ZFHX3: variants seen among roughly 807,000 people sequenced by gnomAD.
ZFHX3 encodes the protein zinc finger homeobox 3.
In ZFHX3, 42 loss-of-function variants were observed where a neutral mutation model predicts 279.1. The observed-to-expected ratio is 0.15, with a 90% CI of 0.12 to 0.19. The LOEUF is 0.19. Ranked by LOEUF, ZFHX3 falls within the 10% of genes least tolerant of loss-of-function variation. ZFHX3 has a pLI of 1.00. For synonymous variants in ZFHX3, 2,293 were observed against 1,957.8 expected, an observed-to-expected ratio of 1.17 and a Z score of -4.52; for missense variants, 4,981 against 4,754.0, an observed-to-expected ratio of 1.05 and a Z score of -1.40.
intron 3 of ZFHX3, among the ~76,000 whole-genome samples, chr16:73,390,767 T>C (rs188482508): frequency 2.4e-3 from 364 of 152,080 alleles, no homozygotes; most frequent in Non-Finnish European, 4.4e-3. Context: ...AGGAGATCTT[T>C]CTTATTATTT....
chr16:73,642,479 A>G (rs2052582683), intron 2 of ZFHX3, among the ~76,000 whole-genome samples: 1 of 152,246 alleles, frequency 6.6e-6, no homozygotes. Context: ...ATCAATGGAT[A>G]CATTCCTCAA....
chr16:73,778,073 A>C (rs1227893278), intron 1 of ZFHX3, among the ~76,000 whole-genome samples: 1 of 150,326 alleles, frequency 6.7e-6, no homozygotes, highest in Non-Finnish European at 1.5e-5. Flanking sequence ...AAATAATATC[A>C]AACAAAATAA....
intron 2 of ZFHX3, among the ~76,000 whole-genome samples, chr16:73,647,565 G>T (rs573352356): frequency 4.5e-4 from 69 of 152,246 alleles, no homozygotes; most frequent in African/African-American, 1.7e-3. Context: ...TTCCTGTTAA[G>T]CCTGTGGAAC....
At chr16:73,457,585 C>T (rs1046162834) in intron 2 of ZFHX3, among the ~76,000 whole-genome samples, 1 of 152,092 alleles carries the variant, frequency 6.6e-6, no homozygotes, top group African/African-American at 2.4e-5. Context: ...CCAGCCTGAC[C>T]AACATGGTGA....
chr16:73,569,794 T>C (rs1018416198), intron 2 of ZFHX3, among the ~76,000 whole-genome samples: 3 of 152,184 alleles, frequency 2.0e-5, no homozygotes, highest in Admixed American at 6.5e-5. Flanking sequence ...AGCACACAGA[T>C]GCCAGGATGG....
At chr16:73,796,973 G>A (rs768721058) in intron 1 of ZFHX3, among the ~76,000 whole-genome samples, 12 of 152,182 alleles carry the variant, frequency 7.9e-5, no homozygotes, top group Non-Finnish European at 1.0e-4. Flanking sequence ...AGGCCAAGGC[G>A]GGTGGATCAC....
chr16:73,081,340 A>G (rs939410398), intron 8 of ZFHX3: 3 of 151,366 alleles, frequency 2.0e-5, no homozygotes, highest in African/African-American at 4.9e-5. Context: ...GCTCACCACA[A>G]TCTTCGCCTC....
At position 72,798,610 on chromosome 16, in the gene ZFHX3, A is replaced by C. The variant is rs749586178; in HGVS notation, c.4072T>G (p.Ser1358Ala). Residue 1358 changes from serine (S) to alanine (A), a missense_variant, in exon 9 of 10, where the codon TCA becomes GCA. By Grantham distance (99) the Ser-to-Ala change is moderately conservative (BLOSUM62 1). Around this residue, in one of 7 missense-constraint regions of ZFHX3, gnomAD observed 1,751 missense variants for 1,770.0 expected, o/e 0.99. Coordinates refer to ENST00000268489, the MANE Select transcript of ZFHX3 (RefSeq NM_006885.4). Reference protein sequence around the residue: ...PADPGSVREDSGFICWKKGCN... With the variant: ...PADPGSVREDAGFICWKKGCN... ...CCCTTCTTCCAGCAGATGAAGCCTGAGTCTTCTCTCACAGAGCCTGGGTCA... is the reference window on the plus strand; with the variant it reads ...CCCTTCTTCCAGCAGATGAAGCCTGCGTCTTCTCTCACAGAGCCTGGGTCA... The C allele has an allele frequency of 5.0e-6, 8 of 1,613,896 alleles. No homozygotes were observed. In the Admixed American group the frequency reaches 1.2e-4, roughly 24 times the overall value.
At chr16:73,334,779 G>A (rs1171085087) in intron 3 of ZFHX3, among the ~76,000 whole-genome samples, 1 of 140,336 alleles carries the variant, frequency 7.1e-6, no homozygotes, top group East Asian at 2.2e-4. Flanking sequence ...ATTGGATAAG[G>A]AGATCTCTTT....
intron 1 of ZFHX3, among the ~76,000 whole-genome samples, chr16:73,847,007 A>G (rs1961466471): frequency 6.6e-6 from 1 of 152,290 alleles, no homozygotes; most frequent in Middle Eastern, 3.4e-3. Context: ...CAGGGCTTTA[A>G]AAGCCCTTAA....
chr16:73,771,935 G>A (rs571606988), intron 1 of ZFHX3, among the ~76,000 whole-genome samples: 38 of 152,056 alleles, frequency 2.5e-4, no homozygotes, highest in African/African-American at 8.7e-4. Context: ...CTTTCTTCTG[G>A]GAGGATATAA....
At chr16:73,454,025 C>T (rs913031574) in intron 3 of ZFHX3, among the ~76,000 whole-genome samples, 2 of 152,086 alleles carry the variant, frequency 1.3e-5, no homozygotes, top group South Asian at 2.1e-4. Flanking sequence ...GTGAGTTGCC[C>T]ATCTTATTGT....
At chr16:73,565,685 T>C (rs575376074) in intron 2 of ZFHX3, among the ~76,000 whole-genome samples, 1 of 152,318 alleles carries the variant, frequency 6.6e-6, no homozygotes, top group East Asian at 1.9e-4. Context: ...AATCTGGATC[T>C]CCCTTCTAAG....
chr16:73,401,563 G>C (rs1354724424), intron 3 of ZFHX3: 1 of 152,044 alleles, frequency 6.6e-6, no homozygotes, highest in Non-Finnish European at 1.5e-5. Flanking sequence ...GCAGCGACAG[G>C]GGACGTGCTG....
At chr16:73,342,862 G>C (rs1335948980) in intron 3 of ZFHX3, among the ~76,000 whole-genome samples, 2 of 152,200 alleles carry the variant, frequency 1.3e-5, no homozygotes, top group African/African-American at 4.8e-5. Context: ...GAACCAAAAA[G>C]TATTTCAAAT....
chr16:73,363,930 T>C lies in ZFHX3; in HGVS notation c.-1290-45594A>G, dbSNP rs545373442. On this transcript the variant is annotated intron_variant, in intron 3 of 17. Coordinates refer to the ZFHX3 transcript ENST00000641206. ...GCTCATGCCTGTAATCCCCGCACTT[T>C]GGGAGGCCAAGGAGGGTGGATCACT... Among the ~76,000 whole-genome samples the C allele has an allele frequency of 3.5e-3, 536 of 152,246 alleles. 1 individual carries two copies. Among genetic ancestry groups the C allele is most frequent in the Middle Eastern group, 0.01 (3 of 294 alleles).
At chr16:73,371,602 G>A (rs1427921194) in intron 3 of ZFHX3, among the ~76,000 whole-genome samples, 2 of 152,024 alleles carry the variant, frequency 1.3e-5, no homozygotes, top group African/African-American at 4.8e-5. Flanking sequence ...AGGAACTGGT[G>A]CACCGGGTGT....
intron 3 of ZFHX3, among the ~76,000 whole-genome samples, chr16:73,447,674 T>G (rs1325045147): frequency 6.6e-6 from 1 of 152,016 alleles, no homozygotes; most frequent in African/African-American, 2.4e-5. Flanking sequence ...AGACAACAGA[T>G]AGAACACATT....
At chr16:73,579,131 G>A (rs553481044) in intron 2 of ZFHX3, among the ~76,000 whole-genome samples, 1 of 152,150 alleles carries the variant, frequency 6.6e-6, no homozygotes, top group Non-Finnish European at 1.5e-5. Context: ...ACCTCTTCTC[G>A]TAACCCAGAC....
Sources: gnomAD v4.1 joint callset for allele counts (sites outside exome capture counted in the v4.1 genomes callset) on GRCh38, gnomAD v4.1.1 for gene constraint, gnomAD v4.1.1 regional missense constraint, MANE v1.5 for transcripts, NCBI Gene and HGNC (gene_info 2026-07-23, HGNC 2026-07-21) for gene names.